MKLN1: variants seen among roughly 807,000 people sequenced by gnomAD.
MKLN1 encodes the protein muskelin.
MKLN1 carries 18 observed loss-of-function variants against 99.0 expected under a neutral mutation model. That is an observed-to-expected ratio of 0.18 (90% CI 0.13 to 0.27). The LOEUF is 0.27. Among genes scored for constraint, MKLN1 ranks in the 10% least tolerant of loss-of-function variants. MKLN1 has a pLI of 1.00. For synonymous variants in MKLN1, 288 were observed against 293.2 expected (o/e 0.98, Z 0.18); for missense variants, 621 against 875.9 (o/e 0.71, Z 3.67).
At chr7:131,335,574 A>G (rs1465447816) in intron 1 of MKLN1, among the ~76,000 whole-genome samples, 1 of 152,222 alleles carries the variant, frequency 6.6e-6, no homozygotes. Context: ...TCCTAAGACT[A>G]TAGGGTTTCC....
chr7:131,479,073 G>C (rs897162289), intron 17 of MKLN1: 5 of 166,430 alleles, frequency 3.0e-5, no homozygotes, highest in African/African-American at 9.6e-5. Context: ...AGAGAATAGC[G>C]ATGGGGTAGG....
At chr7:131,254,630 T>C (rs1048607590) in intron 3 of MKLN1, among the ~76,000 whole-genome samples, 12 of 151,594 alleles carry the variant, frequency 7.9e-5, no homozygotes, top group Admixed American at 2.6e-4. Flanking sequence ...ATAGAAATTC[T>C]GGAATTGAAA....
At chr7:131,232,873 A>G (rs1205004730) in intron 3 of MKLN1, among the ~76,000 whole-genome samples, 1 of 151,032 alleles carries the variant, frequency 6.6e-6, no homozygotes, top group Non-Finnish European at 1.5e-5. Flanking sequence ...AATAAAAATA[A>G]TTAATAATTA....
intron 11 of MKLN1, among the ~76,000 whole-genome samples, chr7:131,444,375 C>G (rs528083518): frequency 6.6e-6 from 1 of 152,018 alleles, no homozygotes; most frequent in Admixed American, 6.5e-5. Flanking sequence ...CCTCTGCCTT[C>G]TGCGGTGTTG....
chr7:131,286,687 G>A (rs150949130), intron 3 of MKLN1, among the ~76,000 whole-genome samples: 1 of 152,346 alleles, frequency 6.6e-6, no homozygotes, highest in East Asian at 1.9e-4. Context: ...CTACAAAGAT[G>A]TACAAGACAA....
chr7:131,179,507 A>T (rs1415802950), intron 2 of MKLN1, among the ~76,000 whole-genome samples: 1 of 152,174 alleles, frequency 6.6e-6, no homozygotes, highest in Non-Finnish European at 1.5e-5. Context: ...TAATACTGTA[A>T]TACGCTTTGT....
At chr7:131,259,471 ATATC>A (rs1317711258) in intron 3 of MKLN1, among the ~76,000 whole-genome samples, 2 of 152,184 alleles carry the variant, frequency 1.3e-5, no homozygotes, top group African/African-American at 4.8e-5. Flanking sequence ...ATGTGTATAC[ATATC>A]TATCTATCTG....
chr7:131,466,504 A>G (rs1251927863), intron 15 of MKLN1, 89 bp downstream of exon 15: 3 of 896,362 alleles, frequency 3.3e-6, no homozygotes, highest in Non-Finnish European at 3.1e-6. Context: ...TGTAAATACT[A>G]TGAAGATCAT....
At position 131,161,963 on chromosome 7, in the gene MKLN1, G is replaced by A. The variant is rs199613655; in HGVS notation, c.-297+19022G>A. ...CACATATATATACGTGTGTGTGTGT[G>A]TATATATATATATATATATATATAT... On this transcript the variant is annotated intron_variant, in intron 2 of 7. Transcript: ENST00000416992. Among the ~76,000 whole-genome samples, 429 of 109,130 alleles carry A rather than the reference G, an allele frequency of 3.9e-3. 2 individuals are homozygous for A. The highest frequency in any genetic ancestry group is 0.011 in the Middle Eastern group (2 of 180). 71.6% of individuals were successfully genotyped at this position (109,130 alleles called of 152,430 possible).
intron 12 of MKLN1, among the ~76,000 whole-genome samples, chr7:131,461,446 A>G (rs185556653): frequency 5.2e-4 from 79 of 152,048 alleles, no homozygotes; most frequent in Non-Finnish European, 1.2e-4. Flanking sequence ...TATGTATACA[A>G]ATTGTATGGT....
intron 1 of MKLN1, among the ~76,000 whole-genome samples, chr7:131,131,080 G>A (rs1038586153): frequency 6.7e-6 from 1 of 148,548 alleles, no homozygotes; most frequent in African/African-American, 2.5e-5. Flanking sequence ...AAAAGGTTGG[G>A]TGTGGTGGCT....
chr7:131,417,066 G>T (rs762904574), intron 8 of MKLN1, among the ~76,000 whole-genome samples: 1 of 151,304 alleles, frequency 6.6e-6, no homozygotes, highest in African/African-American at 2.4e-5. Context: ...ATAAGAAAGC[G>T]TAGCGAGAAT....
chr7:131,462,307 T>G (rs1796539270), intron 12 of MKLN1, among the ~76,000 whole-genome samples: 1 of 152,152 alleles, frequency 6.6e-6, no homozygotes, highest in South Asian at 2.1e-4. Context: ...TGATATTACA[T>G]GCACGAGCCA....
upstream of MKLN1, chr7:131,324,000 C>A (rs1008138753): frequency 6.6e-6 from 1 of 151,986 alleles, no homozygotes; most frequent in African/African-American, 2.4e-5. Flanking sequence ...AAAATGAAAC[C>A]ACTGGTGCCT....
intron 8 of MKLN1, among the ~76,000 whole-genome samples, chr7:131,420,052 A>C (rs1308436355): frequency 6.6e-6 from 1 of 152,190 alleles, no homozygotes; most frequent in Non-Finnish European, 1.5e-5. Flanking sequence ...AATTGGTCAC[A>C]TTTTGGATGT....
chr7:131,215,052 C>G (rs1291068742), intron 3 of MKLN1, among the ~76,000 whole-genome samples: 1 of 152,076 alleles, frequency 6.6e-6, no homozygotes, highest in Non-Finnish European at 1.5e-5. Context: ...TGATCTTATA[C>G]CAATCAGCAT....
At chr7:131,463,487 G>A in intron 13 of MKLN1, 123 bp downstream of exon 13, 1 of 1,047,222 alleles carries the variant, frequency 9.5e-7, no homozygotes, top group Non-Finnish European at 1.4e-6. Context: ...TTAAAAGTCA[G>A]TATTGGAAAA....
intron 3 of MKLN1, among the ~76,000 whole-genome samples, chr7:131,207,552 G>C (rs1796836810): frequency 6.6e-6 from 1 of 152,172 alleles, no homozygotes; most frequent in Non-Finnish European, 1.5e-5. Context: ...GCATTTTGGA[G>C]CATGTGGATC....
intron 6 of MKLN1, among the ~76,000 whole-genome samples, chr7:131,410,687 G>A (rs931298886): frequency 6.6e-6 from 1 of 152,146 alleles, no homozygotes; most frequent in African/African-American, 2.4e-5. Context: ...ATTATAGGAT[G>A]TAAAGATTAA....
Sources: allele counts gnomAD v4.1 joint callset (sites outside exome capture counted in the v4.1 genomes callset), GRCh38; gene constraint gnomAD v4.1.1; transcripts MANE v1.5; gene names NCBI Gene and HGNC (gene_info 2026-07-23, HGNC 2026-07-21).